Variants in ERBB4 observed in about 807,000 individuals in gnomAD.
ERBB4 encodes the protein erb-b2 receptor tyrosine kinase 4.
In ERBB4, 42 loss-of-function variants were observed where a neutral mutation model predicts 158.0. That is an observed-to-expected ratio of 0.27 (90% CI 0.21 to 0.34). ERBB4 has a LOEUF of 0.34. ERBB4 is among the 10% of genes least tolerant of loss of function. The probability of loss-of-function intolerance (pLI) is 1.00; values close to 1 mark genes in which losing one functional copy is unlikely to be tolerated. For missense variants in ERBB4, 1,333 were observed against 1,624.1 expected (o/e 0.82, Z 3.08); for synonymous variants, 583 against 558.7 (o/e 1.04, Z -0.61).
At chr2:212,170,715 C>A (rs1026050612) in intron 1 of ERBB4, among the ~76,000 whole-genome samples, 2 of 152,060 alleles carry the variant, frequency 1.3e-5, no homozygotes, top group Non-Finnish European at 1.5e-5. Context: ...GGTCATTGCC[C>A]GAGCCTTGGT....
At chr2:211,580,892 T>TAC (rs2068080876) in intron 19 of ERBB4, among the ~76,000 whole-genome samples, 1 of 6,244 alleles carries the variant, frequency 1.6e-4, no homozygotes, top group African/African-American at 8.4e-4. Context: ...TATATATATA[T>TAC]ATATATATAT....
chr2:211,717,696 G>GC (rs71054135), intron 7 of ERBB4, among the ~76,000 whole-genome samples: 103,325 of 151,716 alleles, frequency 0.68, 35,650 homozygotes, highest in Non-Finnish European at 0.73. Flanking sequence ...GGGCGTGGTG[G>GC]ATGTGCCTGT....
intron 2 of ERBB4, among the ~76,000 whole-genome samples, chr2:212,056,505 A>G (rs1286020435): frequency 6.6e-6 from 1 of 152,218 alleles, no homozygotes; most frequent in African/African-American, 2.4e-5. Flanking sequence ...AATGAAGGAA[A>G]AAATGTTAAG....
At chr2:212,265,969 T>A (rs2085120343) in intron 1 of ERBB4, among the ~76,000 whole-genome samples, 1 of 152,018 alleles carries the variant, frequency 6.6e-6, no homozygotes, top group South Asian at 2.1e-4. Flanking sequence ...ACCTCGCTAA[T>A]CGGTCCCCAC....
intron 2 of ERBB4, among the ~76,000 whole-genome samples, chr2:212,017,518 G>T (rs2076555611): frequency 6.6e-6 from 1 of 152,074 alleles, no homozygotes; most frequent in African/African-American, 2.4e-5. Flanking sequence ...ACTATGCAAG[G>T]TAAGATAAAT....
chr2:211,491,475 C>CA (rs1437690866), intron 20 of ERBB4, among the ~76,000 whole-genome samples: 1 of 151,938 alleles, frequency 6.6e-6, no homozygotes, highest in African/African-American at 2.4e-5. Flanking sequence ...TGAAAATGCT[C>CA]ATAAGTGGTT....
chr2:212,070,906 T>C (rs1351382843), intron 2 of ERBB4, among the ~76,000 whole-genome samples: 1 of 152,004 alleles, frequency 6.6e-6, no homozygotes, highest in Non-Finnish European at 1.5e-5. Context: ...TGTCCCCGTT[T>C]TCTCTAACGG....
intron 1 of ERBB4, among the ~76,000 whole-genome samples, chr2:212,173,815 T>C (rs931409061): frequency 2.0e-5 from 3 of 152,064 alleles, no homozygotes; most frequent in Non-Finnish European, 2.9e-5. Flanking sequence ...GACAAGTCTG[T>C]TTGAAATCTC....
At chr2:212,426,000 T>C (rs1401912916) in intron 1 of ERBB4, among the ~76,000 whole-genome samples, 3 of 152,048 alleles carry the variant, frequency 2.0e-5, no homozygotes, top group Non-Finnish European at 2.9e-5. Flanking sequence ...AATGTTCACG[T>C]ATTCAATCAT....
rs531732938 is a variant in ERBB4 at position 211,420,682 on chromosome 2, A to T, written c.2965-71T>A. On this transcript the variant is annotated intron_variant, in intron 24 of 27. Coordinates refer to ENST00000342788, the MANE Select transcript of ERBB4 (RefSeq NM_005235.3). ...TCTTAAATATGTGGTCTCTGCAATA[A>T]ATTTATGTAATATCATAACAAATGG... 3 of 1,271,024 alleles carry T rather than the reference A, an allele frequency of 2.4e-6. No homozygotes were observed. The South Asian group carries it at 3.6e-5, about 15-fold the overall frequency. The allele number at this position is 1,271,024 out of a possible 1,614,324, so 78.7% of individuals were successfully genotyped here.
intron 1 of ERBB4, among the ~76,000 whole-genome samples, chr2:212,430,447 T>TA (rs11450422): frequency 0.17 from 25,079 of 151,664 alleles, 2,386 homozygotes; most frequent in Non-Finnish European, 0.22. Context: ...TTTTTTTTTT[T>TA]TTCTTTTCTT....
chr2:211,511,486 T>G (rs972138425), intron 20 of ERBB4, among the ~76,000 whole-genome samples: 1 of 152,072 alleles, frequency 6.6e-6, no homozygotes, highest in African/African-American at 2.4e-5. Context: ...AGAGAATAAT[T>G]TAATGGAAAA....
intron 20 of ERBB4, among the ~76,000 whole-genome samples, chr2:211,525,605 TC>T (rs2066324931): frequency 6.6e-6 from 1 of 152,048 alleles, no homozygotes; most frequent in Non-Finnish European, 1.5e-5. Context: ...AGGCACCAGG[TC>T]GGCCACACAC....
chr2:211,944,189 A>ATATAGTG (rs1553517890), intron 3 of ERBB4, among the ~76,000 whole-genome samples: 1 of 51,726 alleles, frequency 1.9e-5, no homozygotes, highest in East Asian at 3.7e-4. Flanking sequence ...ATATATATAT[A>ATATAGTG]TATATATATA....
At chr2:212,172,985 G>A (rs1002648692) in intron 1 of ERBB4, among the ~76,000 whole-genome samples, 1 of 152,016 alleles carries the variant, frequency 6.6e-6, no homozygotes, top group Non-Finnish European at 1.5e-5. Flanking sequence ...TAGGTCTATA[G>A]TTACTAATGC....
chr2:212,448,330 C>G (rs1295102481), intron 1 of ERBB4, among the ~76,000 whole-genome samples: 1 of 152,122 alleles, frequency 6.6e-6, no homozygotes, highest in Non-Finnish European at 1.5e-5. Flanking sequence ...AATGAAATGT[C>G]TATATAATTT....
intron 19 of ERBB4, among the ~76,000 whole-genome samples, chr2:211,562,769 C>CTTTTTTTTTTTTTTTTTT (rs367801279): frequency 8.0e-6 from 1 of 125,712 alleles, no homozygotes; most frequent in African/African-American, 3.5e-5. Flanking sequence ...ACTACTCCAA[C>CTTTTTTTTTTTTTTTTTT]TTTTTTTTTT....
intron 1 of ERBB4, among the ~76,000 whole-genome samples, chr2:212,289,086 C>T (rs16848180): frequency 0.041 from 6,229 of 152,108 alleles, 448 homozygotes; most frequent in African/African-American, 0.14. Flanking sequence ...GAACTACCTA[C>T]GCCCCAAGTT....
At chr2:212,342,962 G>A (rs1021613224) in intron 1 of ERBB4, among the ~76,000 whole-genome samples, 7 of 152,036 alleles carry the variant, frequency 4.6e-5, no homozygotes, top group Admixed American at 4.6e-4. Flanking sequence ...TTCCATTAAT[G>A]TTTAACTCAA....
Sources: allele counts gnomAD v4.1 joint callset (sites outside exome capture counted in the v4.1 genomes callset), GRCh38; gene constraint gnomAD v4.1.1; transcripts MANE v1.5; gene names NCBI Gene and HGNC (gene_info 2026-07-23, HGNC 2026-07-21).